MAP6D1: variants seen among roughly 807,000 people sequenced by gnomAD.
MAP6D1 encodes the protein MAP6 domain-containing protein 1.
Under a neutral mutation model 17.4 loss-of-function variants are expected in MAP6D1, and 13 were observed. The observed-to-expected ratio is 0.75, with a 90% CI of 0.49 to 1.19. The LOEUF (loss-of-function observed/expected upper bound fraction) is 1.19, where lower values mean the gene tolerates loss of function less well. Among genes scored for constraint, MAP6D1 ranks in the 50% most tolerant of loss-of-function variants. The pLI, the probability that MAP6D1 is intolerant of heterozygous loss-of-function variation, is 0.00. For missense variants in MAP6D1, 313 were observed against 312.6 expected (o/e 1.00, Z -0.01); for synonymous variants, 141 against 145.7 (o/e 0.97, Z 0.23).
At chr3:183,819,494 G>A (rs1049864127) in intron 1 of MAP6D1, among the ~76,000 whole-genome samples, 2 of 152,206 alleles carry the variant, frequency 1.3e-5, no homozygotes. Context: ...AGCCACAGAC[G>A]ACAGCAATCC....
Position 183,825,176 on chromosome 3 carries a change from G to A in MAP6D1, c.372C>T (p.Asp124=), listed in dbSNP as rs369506352. 306 of 1,460,856 alleles carry A rather than the reference G, an allele frequency of 2.1e-4. No homozygotes were observed. In the African/African-American group the frequency reaches 3.3e-3, roughly 16 times the overall value. The allele number at this position is 1,460,856 out of a possible 1,614,324, so 90.5% of individuals were successfully genotyped here. The change falls in exon 1 of 3, where the codon GAC becomes GAT. Residue 124 remains aspartate (D), a synonymous_variant. Transcript: ENST00000318631. ...GVYVLPIGDA[D]AAAAVTTSYR... ...ACGACGTGGTCACTGCTGCAGCCGC[G>A]TCCGCGTCGCCGATGGGCAGCACGT...
intron 1 of MAP6D1, among the ~76,000 whole-genome samples, chr3:183,821,437 C>T (rs114303531): frequency 2.1e-3 from 318 of 151,544 alleles, no homozygotes; most frequent in African/African-American, 7.5e-3. Context: ...GCCTGGTGTG[C>T]GTTAAAGCAG....
intron 2 of MAP6D1, 91 bp downstream of exon 2, chr3:183,817,903 C>T (rs1727154207): frequency 2.0e-6 from 2 of 1,012,480 alleles, no homozygotes; most frequent in East Asian, 2.4e-5. Flanking sequence ...GTCATAATTG[C>T]ATTTTACACC....
intron 1 of MAP6D1, among the ~76,000 whole-genome samples, chr3:183,821,248 G>T (rs968246196): frequency 5.9e-5 from 9 of 152,216 alleles, no homozygotes; most frequent in Non-Finnish European, 1.2e-4. Context: ...CAAGGAGGCA[G>T]CTCTTAAGGG....
intron 1 of MAP6D1, among the ~76,000 whole-genome samples, chr3:183,823,930 C>G (rs1727314026): frequency 6.6e-6 from 1 of 152,260 alleles, no homozygotes; most frequent in Admixed American, 6.5e-5. Context: ...ACCATCTCCT[C>G]AGACATCCAT....
Position 183,825,252 on chromosome 3 carries a change from T to G in MAP6D1, c.296A>C (p.Lys99Thr), listed in dbSNP as rs1727359342. Residue 99 changes from lysine (K) to threonine (T), a missense_variant, in exon 1 of 3, where the codon AAA becomes ACA. Lys to Thr is a moderately conservative substitution (Grantham distance 78, BLOSUM62 -1). Coordinates refer to ENST00000318631, the MANE Select transcript of MAP6D1 (RefSeq NM_024871.4). ...TGGCGCGGAGGACTGCGCGGAGGATTTGCCCCTGCGGCCGCCCGCCCCCGG... is the reference window on the plus strand; with the variant it reads ...TGGCGCGGAGGACTGCGCGGAGGATGTGCCCCTGCGGCCGCCCGCCCCCGG... ...RGPGAGGRRG[K>T]SSAQSSAPPA... The G allele has an allele frequency of 1.5e-6, 2 of 1,358,398 alleles. No individual in the cohort carries two copies. Among genetic ancestry groups the G allele is most frequent in the South Asian group, 2.0e-5 (1 of 50,982 alleles). 84.1% of individuals were successfully genotyped at this position (1,358,398 alleles called of 1,614,324 possible).
At position 183,821,470 on chromosome 3, in the gene MAP6D1, C is replaced by T. The variant is rs114935807; in HGVS notation, c.402-3359G>A. Among the ~76,000 whole-genome samples, 1,353 of 151,708 alleles carry T rather than the reference C, an allele frequency of 8.9e-3. 12 individuals are homozygous for T. Among genetic ancestry groups the T allele is most frequent in the Middle Eastern group, 0.045 (13 of 292 alleles). On this transcript the variant is annotated intron_variant, in intron 1 of 2. Coordinates refer to ENST00000318631, the MANE Select transcript of MAP6D1 (RefSeq NM_024871.4). ...CAGAGAAGGCGACAGCTAGTACCTT[C>T]ACCGTCACCAGAGCTGGGAGGGCCC...
Position 183,817,222 on chromosome 3 carries a change from G to T in MAP6D1, c.*134C>A. The stretch of plus-strand genomic sequence containing the variant: ...GCTCCACACCAGCACTTTGGCCCTG[G>T]TGACAGCTTTGAGAGGGGCTGTGCC... On this transcript the variant is annotated 3_prime_UTR_variant, in exon 3 of 3. Transcript: ENST00000318631. The T allele has an allele frequency of 1.2e-6, 1 of 863,144 alleles. No individual in the cohort carries two copies. The allele number at this position is 863,144 out of a possible 1,614,324, so 53.5% of individuals were successfully genotyped here. A position where few individuals can be genotyped will look rare whatever the true frequency, so the allele number is the denominator to read the frequency against.
At chr3:183,822,804 G>C (rs1478094436) in intron 1 of MAP6D1, among the ~76,000 whole-genome samples, 1 of 152,220 alleles carries the variant, frequency 6.6e-6, no homozygotes, top group Non-Finnish European at 1.5e-5. Context: ...GAAGGCCAGG[G>C]GTCCTGAGCG....
intron 1 of MAP6D1, among the ~76,000 whole-genome samples, chr3:183,823,917 G>A (rs1026354477): frequency 2.6e-5 from 4 of 152,214 alleles, no homozygotes; most frequent in Non-Finnish European, 5.9e-5. Context: ...TCTCCCTAAC[G>A]GTACCATCTC....
rs1285471689 is a variant in MAP6D1, at chr3:183,817,371, C to G, written c.585G>C (p.Arg195=). 2 of 1,568,764 alleles carry G rather than the reference C, an allele frequency of 1.3e-6. No homozygotes were observed. Among genetic ancestry groups the G allele is most frequent in the Non-Finnish European group, 8.6e-7 (1 of 1,156,976 alleles). The part of the protein sequence containing the change: ...PSAIFQASAP[R]ILNV ...GTGCAGGCAGTCACACGTTGAGAAT[C>G]CGGGGAGCTGAGGCCTGAAAGATGG... Residue 195 remains arginine (R), a synonymous_variant, in exon 3 of 3, where the codon CGG becomes CGC. Transcript: ENST00000318631.
Position 183,816,645 on chromosome 3 carries a change from A to G in MAP6D1, c.*711T>C, listed in dbSNP as rs1727116051. The G allele has an allele frequency of 6.5e-6, 1 of 152,824 alleles. No homozygotes were observed. 9.5% of individuals were successfully genotyped at this position (152,824 alleles called of 1,614,324 possible). ...TGATAGTGCCCTGCTCATCATCCTT[A>G]TGTTAGCGGGAAAATCATTAGTAAC... On this transcript the variant is annotated 3_prime_UTR_variant, in exon 3 of 3. Coordinates refer to ENST00000318631, the MANE Select transcript of MAP6D1 (RefSeq NM_024871.4).
chr3:183,819,528 C>G (rs894037007), intron 1 of MAP6D1, among the ~76,000 whole-genome samples: 1 of 152,176 alleles, frequency 6.6e-6, no homozygotes, highest in Non-Finnish European at 1.5e-5. Context: ...AGGAGGAACC[C>G]GGGGCTGGAG....
chr3:183,816,238 C>G lies in MAP6D1; in HGVS notation c.*1118G>C, dbSNP rs1159285773. Reference sequence around the variant, plus strand: ...GGCTCTGAGACCCGAGTGCCACCACCTGCAGCTTAAATGCTCGTCTCACTA... The same window carrying G: ...GGCTCTGAGACCCGAGTGCCACCACGTGCAGCTTAAATGCTCGTCTCACTA... On this transcript the variant is annotated 3_prime_UTR_variant, in exon 3 of 3. Coordinates refer to ENST00000318631, the MANE Select transcript of MAP6D1 (RefSeq NM_024871.4). 6.6e-6 allele frequency: 1 copy of G among 152,234 alleles called. No individual in the cohort carries two copies. Among genetic ancestry groups the G allele is most frequent in the Non-Finnish European group, 1.5e-5 (1 of 68,046 alleles). The allele number at this position is 152,234 out of a possible 1,614,324, so 9.4% of individuals were successfully genotyped here. A position where few individuals can be genotyped will look rare whatever the true frequency, so the allele number is the denominator to read the frequency against.
intron 1 of MAP6D1, among the ~76,000 whole-genome samples, chr3:183,818,749 CA>C (rs1727179039): frequency 6.6e-6 from 1 of 152,336 alleles, no homozygotes; most frequent in South Asian, 2.1e-4. Context: ...GTGACCATCT[CA>C]AAAGACTCCA....
chr3:183,825,023 G>A (rs1727348479), intron 1 of MAP6D1, 124 bp downstream of exon 1: 1 of 1,074,022 alleles, frequency 9.3e-7, no homozygotes, highest in Non-Finnish European at 1.2e-6. Context: ...GCAGCTCCGA[G>A]GTCGCGTGGG....
At position 183,817,307 on chromosome 3, in the gene MAP6D1, G is replaced by A. The variant is rs373828525; in HGVS notation, c.*49C>T. The A allele has an allele frequency of 2.6e-5, 40 of 1,532,402 alleles. No individual in the cohort carries two copies. Among genetic ancestry groups the A allele is most frequent in the Middle Eastern group, 2.2e-4 (1 of 4,572 alleles). The allele number at this position is 1,532,402 out of a possible 1,614,324, so 94.9% of individuals were successfully genotyped here. On this transcript the variant is annotated 3_prime_UTR_variant, in exon 3 of 3. Coordinates refer to ENST00000318631, the MANE Select transcript of MAP6D1 (RefSeq NM_024871.4). ...CCCCGCGGCAGTGGGTCCTGAGGCC[G>A]CTCCCCAGCCCTGTCCTGTCGGCAG...
rs1380788124 is a variant in MAP6D1 at position 183,815,936 on chromosome 3, T to C, written c.*1420A>G. On this transcript the variant is annotated 3_prime_UTR_variant, in exon 3 of 3. Transcript: ENST00000318631. ...CTGAAACTACATTTTTGCATTTTAG[T>C]AAAATCTGAGATTGTACAGTTTTTA... 2.6e-5 allele frequency: 4 copies of C among 152,226 alleles called. No homozygotes were observed. Among genetic ancestry groups the C allele is most frequent in the African/African-American group, 9.6e-5 (4 of 41,466 alleles). The allele number at this position is 152,226 out of a possible 1,614,324, so 9.4% of individuals were successfully genotyped here. A position where few individuals can be genotyped will look rare whatever the true frequency, so the allele number is the denominator to read the frequency against.
rs1242668111 is a variant in MAP6D1, at chr3:183,817,098, G to C, written c.*258C>G. The C allele has an allele frequency of 2.1e-6, 1 of 478,514 alleles. No homozygotes were observed. The highest frequency in any genetic ancestry group is 3.6e-5 in the Admixed American group (1 of 27,548). 29.6% of individuals were successfully genotyped at this position (478,514 alleles called of 1,614,324 possible). ...CTCCTCAGAGATTTCAAAACTGAGA[G>C]ACGGCCAGATGGCAGTTAACGAACG... On this transcript the variant is annotated 3_prime_UTR_variant, in exon 3 of 3. Transcript: ENST00000318631.
Sources: gnomAD v4.1 joint callset for allele counts (sites outside exome capture counted in the v4.1 genomes callset) on GRCh38, gnomAD v4.1.1 for gene constraint, MANE v1.5 for transcripts, NCBI Gene and HGNC (gene_info 2026-07-23, HGNC 2026-07-21) for gene names.